PAK1: variants seen among roughly 807,000 people sequenced by gnomAD.
PAK1 encodes the protein p21 (RAC1) activated kinase 1, also known as serine/threonine-protein kinase PAK 1.
A neutral mutation model predicts 67.4 loss-of-function variants in PAK1; 29 were observed. The observed-to-expected ratio is 0.43, with a 90% CI of 0.32 to 0.59. The LOEUF is 0.59. Ranked by LOEUF, PAK1 falls within the 20% of genes least tolerant of loss-of-function variation. The pLI is 0.07. For synonymous variants in PAK1, 223 were observed against 237.4 expected (o/e 0.94, Z 0.56); for missense variants, 337 against 670.7 (o/e 0.50, Z 5.50).
At chr11:77,325,730 G>A (rs1939659455) in intron 14 of PAK1, among the ~76,000 whole-genome samples, 1 of 152,264 alleles carries the variant, frequency 6.6e-6, no homozygotes, top group Middle Eastern at 3.4e-3. Context: ...ACAGATACTA[G>A]AGACTAATGG....
chr11:77,357,447 C>G (rs186319850), intron 6 of PAK1, among the ~76,000 whole-genome samples: 42 of 152,334 alleles, frequency 2.8e-4, no homozygotes, highest in Admixed American at 9.8e-4. Context: ...ATATCCCAGG[C>G]ACCTAAACCT....
At chr11:77,522,525 C>A in the PAK1 span, among the ~76,000 whole-genome samples, 1 of 152,108 alleles carries the variant, frequency 6.6e-6, no homozygotes, top group African/African-American at 2.4e-5. Flanking sequence ...AATGAGATAC[C>A]ATCTCACACC....
intron 6 of PAK1, among the ~76,000 whole-genome samples, chr11:77,358,419 T>C (rs1946333123): frequency 1.3e-5 from 2 of 152,208 alleles, no homozygotes; most frequent in South Asian, 4.1e-4. Flanking sequence ...AATGCACTCC[T>C]GATGCCCAGC....
intron 13 of PAK1, among the ~76,000 whole-genome samples, chr11:77,334,954 T>C (rs748739177): frequency 2.7e-4 from 41 of 152,312 alleles, no homozygotes; most frequent in Non-Finnish European, 5.1e-4. Context: ...AACCTCTACA[T>C]TGGCAAATCC....
chr11:77,445,858 A>T (rs546034003), intron 1 of PAK1, among the ~76,000 whole-genome samples: 44 of 152,202 alleles, frequency 2.9e-4, no homozygotes, highest in Non-Finnish European at 1.2e-4. Context: ...TAAATGCCCT[A>T]TTCTCCCTTG....
At chr11:77,432,038 CA>C (rs1264132892) in intron 1 of PAK1, among the ~76,000 whole-genome samples, 1 of 152,108 alleles carries the variant, frequency 6.6e-6, no homozygotes, top group African/African-American at 2.4e-5. Context: ...TGAATAACCC[CA>C]TCTTACTCAT....
At chr11:77,328,239 T>C (rs1417554050) in intron 14 of PAK1, among the ~76,000 whole-genome samples, 82 of 152,018 alleles carry the variant, frequency 5.4e-4, no homozygotes, top group African/African-American at 1.9e-3. Flanking sequence ...GACAGAAAGT[T>C]AACAAGGATA....
intron 6 of PAK1, 44 bp downstream of exon 6, chr11:77,358,854 T>C: frequency 6.2e-7 from 1 of 1,606,824 alleles, no homozygotes; most frequent in Non-Finnish European, 8.5e-7. Context: ...TCTCCCCACT[T>C]ACTCTAATAA....
chr11:77,405,167 G>A (rs1415442325), intron 1 of PAK1, among the ~76,000 whole-genome samples: 2 of 152,172 alleles, frequency 1.3e-5, no homozygotes, highest in African/African-American at 4.8e-5. Context: ...GGGCATGTAG[G>A]ACAGCAAAAA....
At chr11:77,460,492 A>G (rs1957294997) in intron 1 of PAK1, among the ~76,000 whole-genome samples, 1 of 151,974 alleles carries the variant, frequency 6.6e-6, no homozygotes, top group African/African-American at 2.4e-5. Flanking sequence ...TAAAAAGACT[A>G]GCTTTGAAGG....
intron 14 of PAK1, among the ~76,000 whole-genome samples, chr11:77,326,695 A>G (rs890433847): frequency 6.6e-6 from 1 of 152,112 alleles, no homozygotes; most frequent in Non-Finnish European, 1.5e-5. Flanking sequence ...GAAAAAACAG[A>G]GCAGAAAAAC....
At position 77,423,868 on chromosome 11, in the gene PAK1, C is replaced by T. The variant is rs1239580768; in HGVS notation, c.-21-31327G>A. On this transcript the variant is annotated intron_variant, in intron 1 of 14. Transcript: ENST00000356341. Reference sequence around the variant, plus strand: ...AGGCAATGGGGCCAGATTTGCCCCACAGGCTGTAGTCTGATGACCTCTGAC... The same window carrying T: ...AGGCAATGGGGCCAGATTTGCCCCATAGGCTGTAGTCTGATGACCTCTGAC... Among the ~76,000 whole-genome samples the T allele has an allele frequency of 2.0e-5, 3 of 152,204 alleles. No homozygotes were observed. In the South Asian group the frequency reaches 6.2e-4, roughly 31 times the overall value.
intron 10 of PAK1, among the ~76,000 whole-genome samples, chr11:77,342,398 C>T (rs746251967): frequency 5.9e-5 from 9 of 152,128 alleles, no homozygotes; most frequent in Non-Finnish European, 1.2e-4. Context: ...TCAATAACAT[C>T]GTTTTATCAT....
the PAK1 span, among the ~76,000 whole-genome samples, chr11:77,491,408 A>G: frequency 2.6e-5 from 4 of 152,154 alleles, no homozygotes; most frequent in Admixed American, 2.6e-4. Context: ...ACACACCTGT[A>G]ATCCCAGCAA....
chr11:77,389,519 C>T (rs1193739074), intron 2 of PAK1, among the ~76,000 whole-genome samples: 1 of 152,192 alleles, frequency 6.6e-6, no homozygotes, highest in Non-Finnish European at 1.5e-5. Flanking sequence ...TCCTCACTAA[C>T]ACTTGTTATT....
chr11:77,432,275 G>A (rs577419316), intron 1 of PAK1, among the ~76,000 whole-genome samples: 29 of 148,132 alleles, frequency 2.0e-4, no homozygotes, highest in Non-Finnish European at 3.8e-4. Context: ...AAGAAATGAG[G>A]AATAGAAGGC....
intron 14 of PAK1, among the ~76,000 whole-genome samples, chr11:77,325,716 T>A: frequency 6.6e-6 from 1 of 152,152 alleles, no homozygotes; most frequent in Non-Finnish European, 1.5e-5. Flanking sequence ...GACTTTTAGT[T>A]CCAACAGATA....
intron 1 of PAK1, among the ~76,000 whole-genome samples, chr11:77,467,298 C>T (rs1034598716): frequency 2.0e-5 from 3 of 152,204 alleles, no homozygotes; most frequent in Admixed American, 1.3e-4. Flanking sequence ...TCACATGGCA[C>T]TTGCACTTAT....
the PAK1 span, among the ~76,000 whole-genome samples, chr11:77,487,994 C>G: frequency 6.6e-6 from 1 of 152,188 alleles, no homozygotes; most frequent in Non-Finnish European, 1.5e-5. Flanking sequence ...GGCTTTAGGT[C>G]TGACTCAGTG....
Sources: gnomAD v4.1 joint callset for allele counts (sites outside exome capture counted in the v4.1 genomes callset) on GRCh38, gnomAD v4.1.1 for gene constraint, MANE v1.5 for transcripts, NCBI Gene and HGNC (gene_info 2026-07-23, HGNC 2026-07-21) for gene names.